The following ZNF385D variants were observed in gnomAD, a reference collection of about 807,000 sequenced individuals.
ZNF385D encodes the protein zinc finger protein 659.
A neutral mutation model predicts 35.8 loss-of-function variants in ZNF385D; 15 were observed. That is an observed-to-expected ratio of 0.42 (90% CI 0.28 to 0.64). The LOEUF is 0.64. Among genes scored for constraint, ZNF385D ranks in the 30% least tolerant of loss-of-function variants. The pLI is 0.23. For synonymous variants in ZNF385D, 212 were observed against 186.8 expected (o/e 1.13, Z -1.10); for missense variants, 474 against 494.6 (o/e 0.96, Z 0.39).
rs13066835 is a variant in ZNF385D at position 21,949,887 on chromosome 3, C to A, written c.325+218930G>T. 1.1e-3 allele frequency among the ~76,000 whole-genome samples: 166 copies of A among 152,236 alleles called. 1 individual carries two copies. Among genetic ancestry groups the A allele is most frequent in the African/African-American group, 3.8e-3 (157 of 41,546 alleles). ...AATGTCCCTGCAAAAGACATGAACT[C>A]ATCCTTTTTTATGGCTGCATAGTAT... is the stretch of plus-strand genomic sequence containing the variant. On this transcript the variant is annotated intron_variant, in intron 3 of 5. Transcript: ENST00000494108.
chr3:21,776,944 A>G (rs17009548), intron 3 of ZNF385D, among the ~76,000 whole-genome samples: 9,005 of 152,038 alleles, frequency 0.059, 369 homozygotes, highest in Middle Eastern at 0.092. Context: ...ATAGCTGCTG[A>G]ACGGTGCTAA....
At chr3:22,250,226 G>A (rs1384667479) in intron 2 of ZNF385D, among the ~76,000 whole-genome samples, 2 of 151,944 alleles carry the variant, frequency 1.3e-5, no homozygotes, top group East Asian at 3.9e-4. Flanking sequence ...TTTCTTTATA[G>A]ATATATTTCC....
At chr3:21,702,959 CT>C (rs958835798) in intron 1 of ZNF385D, among the ~76,000 whole-genome samples, 5 of 152,186 alleles carry the variant, frequency 3.3e-5, no homozygotes, top group African/African-American at 1.2e-4. Context: ...AACTTTCCTA[CT>C]TTTCTATATT....
intron 1 of ZNF385D, among the ~76,000 whole-genome samples, chr3:21,735,237 A>G (rs1033081915): frequency 1.3e-5 from 2 of 152,174 alleles, no homozygotes; most frequent in African/African-American, 4.8e-5. Context: ...TGTAAAATGA[A>G]AAGGATAATA....
intron 1 of ZNF385D, among the ~76,000 whole-genome samples, chr3:21,740,016 G>A (rs908866588): frequency 6.6e-6 from 1 of 152,102 alleles, no homozygotes; most frequent in Non-Finnish European, 1.5e-5. Flanking sequence ...TGAATCTAAG[G>A]TTCAAATTCA....
At chr3:21,863,848 C>T (rs1039973084) in intron 3 of ZNF385D, among the ~76,000 whole-genome samples, 10 of 152,078 alleles carry the variant, frequency 6.6e-5, no homozygotes, top group African/African-American at 2.4e-4. Flanking sequence ...CCAATGCCAA[C>T]CCAGGCCTCT....
chr3:21,799,308 G>C (rs1244374783), intron 3 of ZNF385D, among the ~76,000 whole-genome samples: 3 of 152,110 alleles, frequency 2.0e-5, no homozygotes, highest in Admixed American at 6.6e-5. Context: ...ATCTACCTAA[G>C]AGTGGAATTG....
chr3:22,137,450 G>A (rs1010826100), intron 3 of ZNF385D, among the ~76,000 whole-genome samples: 9 of 152,116 alleles, frequency 5.9e-5, no homozygotes, highest in African/African-American at 2.2e-4. Flanking sequence ...GAATCCAACA[G>A]CACATCAAAA....
At chr3:22,094,518 C>T (rs982196745) in intron 3 of ZNF385D, among the ~76,000 whole-genome samples, 1 of 151,052 alleles carries the variant, frequency 6.6e-6, no homozygotes, top group Non-Finnish European at 1.5e-5. Context: ...AGAAAGGTGG[C>T]AATCAGAGTA....
At chr3:21,897,525 A>G (rs953460735) in intron 3 of ZNF385D, among the ~76,000 whole-genome samples, 15 of 151,950 alleles carry the variant, frequency 9.9e-5, no homozygotes, top group African/African-American at 3.4e-4. Context: ...TCTCCTTACT[A>G]TTTTATATAG....
At chr3:21,742,477 T>C (rs1298802113) in intron 1 of ZNF385D, among the ~76,000 whole-genome samples, 1 of 152,230 alleles carries the variant, frequency 6.6e-6, no homozygotes, top group Non-Finnish European at 1.5e-5. Flanking sequence ...AGATCTATTC[T>C]TGCTCTTCCT....
intron 3 of ZNF385D, among the ~76,000 whole-genome samples, chr3:22,098,559 G>C (rs1459302486): frequency 4.6e-5 from 7 of 151,998 alleles, no homozygotes; most frequent in Non-Finnish European, 7.4e-5. Context: ...TTTAACAACA[G>C]CAAGTAGAGG....
intron 3 of ZNF385D, among the ~76,000 whole-genome samples, chr3:21,791,882 G>A (rs186807565): frequency 2.0e-5 from 3 of 152,082 alleles, no homozygotes; most frequent in Admixed American, 6.5e-5. Context: ...TTACAGGCAC[G>A]TGCCACCACG....
In ZNF385D at chr3:22,101,947, TAC is replaced by T. The variant is rs200256879; in HGVS notation, c.325+66868_325+66869del. 4.0e-3 allele frequency among the ~76,000 whole-genome samples: 605 copies of T among 151,488 alleles called. 5 individuals carry two copies. Among genetic ancestry groups the T allele is most frequent in the African/African-American group, 0.014 (565 of 41,312 alleles). ...TAAGTTAGTGGACAAATTGGGCTTCTACAGAGTCCAAGTTTCATAGGATCTAG... is the reference window on the plus strand; with the variant it reads ...TAAGTTAGTGGACAAATTGGGCTTCTAGAGTCCAAGTTTCATAGGATCTAG... On this transcript the variant is annotated intron_variant, in intron 3 of 5. Coordinates refer to the ZNF385D transcript ENST00000494108.
intron 2 of ZNF385D, among the ~76,000 whole-genome samples, chr3:22,275,834 C>A (rs563590377): frequency 1.3e-5 from 2 of 152,156 alleles, no homozygotes; most frequent in Non-Finnish European, 2.9e-5. Flanking sequence ...CCTGTAATCC[C>A]TGCACTTTGG....
intron 2 of ZNF385D, among the ~76,000 whole-genome samples, chr3:21,662,860 T>A (rs1480430543): frequency 6.6e-6 from 1 of 152,218 alleles, no homozygotes; most frequent in Non-Finnish European, 1.5e-5. Flanking sequence ...TACAAGCTGC[T>A]TATGAGCATG....
chr3:21,645,641 TAA>T (rs1334280921), intron 2 of ZNF385D, among the ~76,000 whole-genome samples: 3 of 152,158 alleles, frequency 2.0e-5, no homozygotes, highest in East Asian at 3.9e-4. Flanking sequence ...CTGGAAAAGC[TAA>T]AGTTCCCTGC....
chr3:21,591,536 A>C (rs989859482), intron 2 of ZNF385D, among the ~76,000 whole-genome samples: 1 of 152,330 alleles, frequency 6.6e-6, no homozygotes, highest in South Asian at 2.1e-4. Flanking sequence ...TTAAAAGTCA[A>C]TATTTTAGTC....
intron 3 of ZNF385D, among the ~76,000 whole-genome samples, chr3:21,918,454 TAA>T (rs66978468): frequency 0.53 from 81,175 of 151,868 alleles, 23,739 homozygotes; most frequent in South Asian, 0.66. Flanking sequence ...TTTGTAATTC[TAA>T]AATTGTCTTT....
Sources: allele counts gnomAD v4.1 joint callset (sites outside exome capture counted in the v4.1 genomes callset), GRCh38; gene constraint gnomAD v4.1.1; transcripts MANE v1.5; gene names NCBI Gene and HGNC (gene_info 2026-07-23, HGNC 2026-07-21).